Variants in ABTB3 observed in about 807,000 individuals in gnomAD.
The protein encoded by ABTB3 is ankyrin repeat- and BTB/POZ domain-containing protein 3.
the ABTB3 span, among the ~76,000 whole-genome samples, chr12:107,488,346 T>C: frequency 6.6e-6 from 1 of 152,182 alleles, no homozygotes; most frequent in South Asian, 2.1e-4. Context: ...ATGGATGTTT[T>C]ATTTTATATG....
chr12:107,497,393 CCAT>C, the ABTB3 span, among the ~76,000 whole-genome samples: 18 of 137,584 alleles, frequency 1.3e-4, no homozygotes, highest in Admixed American at 2.1e-4. Flanking sequence ...ATCATCTCTA[CCAT>C]CATCATCATC....
the ABTB3 span, among the ~76,000 whole-genome samples, chr12:107,477,289 G>C: frequency 7.2e-5 from 11 of 152,270 alleles, no homozygotes; most frequent in African/African-American, 2.4e-4. Context: ...CGGGTCAAGA[G>C]ACATCACTGT....
chr12:107,414,393 A>G, the ABTB3 span, among the ~76,000 whole-genome samples: 1 of 152,254 alleles, frequency 6.6e-6, no homozygotes, highest in East Asian at 1.9e-4. Flanking sequence ...TTCCCCTCCC[A>G]TTCCTCACTT....
At chr12:107,508,962 C>T in the ABTB3 span, among the ~76,000 whole-genome samples, 2,037 of 152,290 alleles carry the variant, frequency 0.013, 21 homozygotes, top group Non-Finnish European at 0.022. Flanking sequence ...ATTTTCATAG[C>T]TACCCAAGAC....
At chr12:107,652,896 GT>G in the ABTB3 span, among the ~76,000 whole-genome samples, 2 of 152,244 alleles carry the variant, frequency 1.3e-5, no homozygotes, top group South Asian at 4.1e-4. Context: ...GAGTTAGGTT[GT>G]TTTATTTATT....
the ABTB3 span, among the ~76,000 whole-genome samples, chr12:107,357,824 G>T: frequency 6.6e-6 from 1 of 152,190 alleles, no homozygotes; most frequent in Non-Finnish European, 1.5e-5. Context: ...TGCCCTGCGA[G>T]GCCCTAATAG....
At chr12:107,570,435 G>A in the ABTB3 span, among the ~76,000 whole-genome samples, 3 of 152,050 alleles carry the variant, frequency 2.0e-5, no homozygotes, top group African/African-American at 7.2e-5. Context: ...GGCTGGTCTC[G>A]AACTCCTAAC....
At chr12:107,477,556 G>A in the ABTB3 span, among the ~76,000 whole-genome samples, 67 of 152,234 alleles carry the variant, frequency 4.4e-4, no homozygotes, top group Admixed American at 3.1e-3. Context: ...ATGTCATCCC[G>A]CCATATAGGT....
the ABTB3 span, among the ~76,000 whole-genome samples, chr12:107,416,962 T>A: frequency 6.6e-6 from 1 of 152,170 alleles, no homozygotes; most frequent in Non-Finnish European, 1.5e-5. Context: ...CAAGGTGGGT[T>A]TCTCCCTTCT....
At chr12:107,345,570 T>C in the ABTB3 span, among the ~76,000 whole-genome samples, 7 of 152,234 alleles carry the variant, frequency 4.6e-5, no homozygotes, top group South Asian at 2.1e-4. Context: ...GGGCTGCCCA[T>C]GCTGACTGGC....
the ABTB3 span, among the ~76,000 whole-genome samples, chr12:107,383,634 G>A: frequency 9.2e-5 from 14 of 152,300 alleles, no homozygotes; most frequent in South Asian, 2.1e-4. Context: ...CAAGGGGACA[G>A]GCGCCTGTTC....
the ABTB3 span, among the ~76,000 whole-genome samples, chr12:107,424,720 C>A: frequency 6.6e-6 from 1 of 152,180 alleles, no homozygotes; most frequent in East Asian, 1.9e-4. Flanking sequence ...CTGTATACCA[C>A]CCAGCTGTTG....
the ABTB3 span, among the ~76,000 whole-genome samples, chr12:107,551,089 C>A: frequency 6.6e-6 from 1 of 152,118 alleles, no homozygotes; most frequent in South Asian, 2.1e-4. Flanking sequence ...AGAGCCATTC[C>A]TGGTATCCTA....
the ABTB3 span, among the ~76,000 whole-genome samples, chr12:107,554,815 T>C: frequency 6.6e-6 from 1 of 152,200 alleles, no homozygotes; most frequent in Non-Finnish European, 1.5e-5. Context: ...TTTGTGCATG[T>C]GTCTTATCTC....
chr12:107,523,255 G>A, the ABTB3 span, among the ~76,000 whole-genome samples: 2 of 152,262 alleles, frequency 1.3e-5, no homozygotes, highest in Admixed American at 6.5e-5. Context: ...CATAGGGGGC[G>A]CTTATGGCCA....
chr12:107,501,596 A>G, the ABTB3 span, among the ~76,000 whole-genome samples: 1 of 152,224 alleles, frequency 6.6e-6, no homozygotes, highest in South Asian at 2.1e-4. Context: ...GCTACTTGGG[A>G]GGCTGAAGTG....
chr12:107,415,836 T>C, the ABTB3 span, among the ~76,000 whole-genome samples: 8 of 152,320 alleles, frequency 5.3e-5, 1 homozygote, highest in South Asian at 1.4e-3. Context: ...CCAACCTATA[T>C]GACCCCGAGT....
the ABTB3 span, chr12:107,618,112 C>A: frequency 6.3e-7 from 1 of 1,580,662 alleles, no homozygotes; most frequent in African/African-American, 1.3e-5. Context: ...CCAGCAGATC[C>A]ACTTCCATCT....
At chr12:107,356,888 A>C in the ABTB3 span, among the ~76,000 whole-genome samples, 2 of 152,238 alleles carry the variant, frequency 1.3e-5, no homozygotes, top group African/African-American at 4.8e-5. Flanking sequence ...ATGCCACTGA[A>C]TTCTCTTGTC....
Sources: allele counts gnomAD v4.1 joint callset (sites outside exome capture counted in the v4.1 genomes callset), GRCh38; gene constraint gnomAD v4.1.1; transcripts MANE v1.5; gene names NCBI Gene and HGNC (gene_info 2026-07-23, HGNC 2026-07-21).